Variants in PPP6R3 observed in about 807,000 individuals in gnomAD.
PPP6R3 encodes serine/threonine-protein phosphatase 6 regulatory subunit 3.
In PPP6R3, 38 loss-of-function variants were observed where a neutral mutation model predicts 110.7. The observed-to-expected ratio is 0.34, with a 90% CI of 0.26 to 0.45. The LOEUF is 0.45. Among genes scored for constraint, PPP6R3 ranks in the 20% least tolerant of loss-of-function variants. The probability of loss-of-function intolerance (pLI) is 1.00; values close to 1 mark genes in which losing one functional copy is unlikely to be tolerated. For synonymous variants in PPP6R3, 369 were observed against 373.5 expected, an observed-to-expected ratio of 0.99 and a Z score of 0.14; for missense variants, 870 against 1,062.4, an observed-to-expected ratio of 0.82 and a Z score of 2.52.
chr11:68,510,683 A>G (rs761191506), intron 1 of PPP6R3, among the ~76,000 whole-genome samples: 1 of 152,130 alleles, frequency 6.6e-6, no homozygotes, highest in African/African-American at 2.4e-5. Context: ...ATATGTCCAT[A>G]TTTTGGAGTC....
At chr11:68,588,139 C>T (rs2099584398) in intron 16 of PPP6R3, 115 bp downstream of exon 16, 2 of 896,304 alleles carry the variant, frequency 2.2e-6, no homozygotes, top group South Asian at 2.9e-5. Flanking sequence ...GAGGAACCTG[C>T]TCTTTCCACG....
intron 12 of PPP6R3, among the ~76,000 whole-genome samples, chr11:68,573,070 T>G (rs1412644764): frequency 7.3e-6 from 1 of 136,100 alleles, no homozygotes; most frequent in African/African-American, 2.8e-5. Flanking sequence ...TCTTGGCACT[T>G]TGTAAATAGG....
At chr11:68,593,408 T>A (rs535634698) in intron 18 of PPP6R3, among the ~76,000 whole-genome samples, 13 of 152,340 alleles carry the variant, frequency 8.5e-5, no homozygotes, top group African/African-American at 3.1e-4. Flanking sequence ...ATTAAGAGGA[T>A]ACACTACAGT....
intron 1 of PPP6R3, among the ~76,000 whole-genome samples, chr11:68,477,266 C>T (rs2098839027): frequency 6.6e-6 from 1 of 151,896 alleles, no homozygotes; most frequent in Admixed American, 6.6e-5. Flanking sequence ...TGTTAGAATA[C>T]AACACCGGAT....
chr11:68,530,122 T>C (rs2099228810), intron 2 of PPP6R3, among the ~76,000 whole-genome samples: 2 of 152,230 alleles, frequency 1.3e-5, no homozygotes, highest in Non-Finnish European at 2.9e-5. Flanking sequence ...ATTAGTTGTT[T>C]TTTACTTTTT....
chr11:68,573,144 ATATATATAT>A (rs1257064310), intron 12 of PPP6R3, among the ~76,000 whole-genome samples: 4 of 91,858 alleles, frequency 4.4e-5, no homozygotes, highest in African/African-American at 1.6e-4. Flanking sequence ...ATATATATAT[ATATATATAT>A]AATTTTTTTT....
chr11:68,495,484 A>G (rs2099009777), intron 1 of PPP6R3, among the ~76,000 whole-genome samples: 1 of 152,154 alleles, frequency 6.6e-6, no homozygotes, highest in Non-Finnish European at 1.5e-5. Flanking sequence ...GTTAGTAATC[A>G]CTTCTCATTT....
intron 1 of PPP6R3, among the ~76,000 whole-genome samples, chr11:68,494,280 C>T (rs2099002143): frequency 6.6e-6 from 1 of 151,646 alleles, no homozygotes; most frequent in Admixed American, 6.6e-5. Flanking sequence ...AATCCCAGCA[C>T]TTTGGGAGGC....
intron 1 of PPP6R3, among the ~76,000 whole-genome samples, chr11:68,479,805 C>A (rs539627800): frequency 6.6e-6 from 1 of 152,070 alleles, no homozygotes; most frequent in South Asian, 2.1e-4. Flanking sequence ...GTGGTGCTAT[C>A]CTGGCTCACT....
chr11:68,599,722 A>G (rs2099624903), intron 19 of PPP6R3, among the ~76,000 whole-genome samples: 1 of 152,258 alleles, frequency 6.6e-6, no homozygotes, highest in African/African-American at 2.4e-5. Context: ...CCAAGTATGA[A>G]TACAGCCATG....
intron 2 of PPP6R3, among the ~76,000 whole-genome samples, chr11:68,524,758 TC>T (rs939732624): frequency 3.3e-5 from 5 of 152,222 alleles, no homozygotes; most frequent in African/African-American, 1.2e-4. Flanking sequence ...TATTAGCTCT[TC>T]CTCTTAGCTT....
intron 1 of PPP6R3, among the ~76,000 whole-genome samples, chr11:68,492,210 A>G (rs2098988457): frequency 6.6e-6 from 1 of 152,186 alleles, no homozygotes; most frequent in African/African-American, 2.4e-5. Context: ...TTGCTGGACT[A>G]CAGTGGCATG....
intron 1 of PPP6R3, among the ~76,000 whole-genome samples, chr11:68,517,956 TAATAA>T (rs1281536859): frequency 6.6e-6 from 1 of 151,060 alleles, no homozygotes; most frequent in African/African-American, 2.4e-5. Flanking sequence ...AAAAAAAAGT[TAATAA>T]AATACGAATC....
At position 68,477,745 on chromosome 11, in the gene PPP6R3, T is replaced by TATATATATATATATATATAG. The variant is rs1183977846; in HGVS notation, c.-158+16937_-158+16938insGATATATATATATATATATA. ...TTGTCTCTTAAAAAAAAAAAAAATA[T>TATATATATATATATATATAG]ATATATATATATATATATATATATA... On this transcript the variant is annotated intron_variant, in intron 1 of 23. Transcript: ENST00000393800. Among the ~76,000 whole-genome samples, 354 of 101,082 alleles carry TATATATATATATATATATAG rather than the reference T, an allele frequency of 3.5e-3. 1 individual carries two copies. Among genetic ancestry groups the TATATATATATATATATATAG allele is most frequent in the Middle Eastern group, 0.013 (2 of 160 alleles). The allele number at this position is 101,082 out of a possible 152,430, so 66.3% of individuals were successfully genotyped here.
chr11:68,549,886 A>G (rs1486972523), intron 5 of PPP6R3, among the ~76,000 whole-genome samples: 1 of 152,174 alleles, frequency 6.6e-6, no homozygotes, highest in African/African-American at 2.4e-5. Flanking sequence ...GGAGATGACT[A>G]CAGAAGTGGG....
intron 19 of PPP6R3, among the ~76,000 whole-genome samples, chr11:68,599,595 G>A (rs1252170455): frequency 6.6e-6 from 1 of 152,222 alleles, no homozygotes; most frequent in African/African-American, 2.4e-5. Flanking sequence ...GTTTATTGGA[G>A]TTGAATAATC....
chr11:68,607,614 C>T (rs955391920), intron 22 of PPP6R3, among the ~76,000 whole-genome samples: 3 of 152,138 alleles, frequency 2.0e-5, no homozygotes, highest in Non-Finnish European at 2.9e-5. Context: ...GTGATGAGGC[C>T]GGAGGCCAGA....
At chr11:68,564,567 C>A in intron 9 of PPP6R3, 135 bp downstream of exon 9, 1 of 949,924 alleles carries the variant, frequency 1.1e-6, no homozygotes, top group Non-Finnish European at 1.5e-6. Flanking sequence ...GATAACACTG[C>A]CAGTGATTTT....
Position 68,590,701 on chromosome 11 carries a change from A to G in PPP6R3, c.1772A>G (p.Asn591Ser), listed in dbSNP as rs1273697911. Reference sequence around the variant, plus strand: ...GTATCAGACATCAACTTTACTCTCAATACAAATGAAAGTGTAAGTATAAAC... The same window carrying G: ...GTATCAGACATCAACTTTACTCTCAGTACAAATGAAAGTGTAAGTATAAAC... ...DRVSDINFTL[N>S]TNESGNIALF... is the part of the protein sequence containing the mutation. The change falls in exon 17 of 24, where the codon AAT becomes AGT. Residue 591 changes from asparagine to serine, a missense_variant. Physicochemically the swap from Asn to Ser is conservative, Grantham distance 46. Transcript: ENST00000393800. 3 of 1,593,866 alleles carry G rather than the reference A, an allele frequency of 1.9e-6. No individual in the cohort carries two copies. The highest frequency in any genetic ancestry group is 8.6e-7 in the Non-Finnish European group (1 of 1,165,996).
Sources: gnomAD v4.1 joint callset for allele counts (sites outside exome capture counted in the v4.1 genomes callset) on GRCh38, gnomAD v4.1.1 for gene constraint, MANE v1.5 for transcripts, NCBI Gene and HGNC (gene_info 2026-07-23, HGNC 2026-07-21) for gene names.